L3MBTL4: variants seen among roughly 807,000 people sequenced by gnomAD.
L3MBTL4 encodes the protein lethal(3)malignant brain tumor-like protein 4.
A neutral mutation model predicts 84.5 loss-of-function variants in L3MBTL4; 70 were observed. That is an observed-to-expected ratio of 0.83 (90% CI 0.68 to 1.01). The LOEUF (loss-of-function observed/expected upper bound fraction) is 1.01. Ranked by LOEUF, L3MBTL4 falls within the 50% of genes least tolerant of loss-of-function variation. The probability of loss-of-function intolerance (pLI) is 0.00; values close to 1 mark genes in which losing one functional copy is unlikely to be tolerated. For synonymous variants in L3MBTL4, 274 were observed against 259.8 expected, an observed-to-expected ratio of 1.05 and a Z score of -0.52; for missense variants, 715 against 754.8, an observed-to-expected ratio of 0.95 and a Z score of 0.62.
At chr18:6,070,978 T>C (rs28758629) in intron 16 of L3MBTL4, among the ~76,000 whole-genome samples, 14,555 of 152,096 alleles carry the variant, frequency 0.096, 1,130 homozygotes, top group African/African-American at 0.22. Flanking sequence ...TAAAAATAAA[T>C]AAACAACAAG....
intron 10 of L3MBTL4, among the ~76,000 whole-genome samples, chr18:6,228,412 T>C (rs2046863551): frequency 6.6e-6 from 1 of 152,138 alleles, no homozygotes; most frequent in Admixed American, 6.5e-5. Context: ...TCAAAATTTT[T>C]AAAATCTGCT....
chr18:6,274,940 G>A (rs558660551), intron 4 of L3MBTL4, among the ~76,000 whole-genome samples: 1 of 152,206 alleles, frequency 6.6e-6, no homozygotes, highest in African/African-American at 2.4e-5. Flanking sequence ...TCTAGCTTAG[G>A]AGAGTGAATT....
chr18:5,999,028 C>T (rs2054102790), intron 16 of L3MBTL4, among the ~76,000 whole-genome samples: 1 of 152,160 alleles, frequency 6.6e-6, no homozygotes, highest in Non-Finnish European at 1.5e-5. Flanking sequence ...TCTCATTAAG[C>T]AGAGGATGAA....
intron 16 of L3MBTL4, among the ~76,000 whole-genome samples, chr18:6,053,707 C>T (rs1264112900): frequency 6.6e-6 from 1 of 152,142 alleles, no homozygotes. Context: ...GCCTATGGTC[C>T]ACTGCAGCAT....
At chr18:6,257,276 C>A (rs530468266) in intron 5 of L3MBTL4, among the ~76,000 whole-genome samples, 1 of 152,054 alleles carries the variant, frequency 6.6e-6, no homozygotes, top group South Asian at 2.1e-4. Flanking sequence ...AACCAGAGGG[C>A]AGAGAGGAAC....
intron 13 of L3MBTL4, among the ~76,000 whole-genome samples, chr18:6,147,649 G>C (rs1382671836): frequency 1.3e-5 from 2 of 152,098 alleles, no homozygotes; most frequent in African/African-American, 4.8e-5. Context: ...GTAAATTCCT[G>C]AAAGAGATGA....
At chr18:6,213,113 T>C (rs899028735) in intron 12 of L3MBTL4, 36 bp downstream of exon 12, 1 of 1,188,220 alleles carries the variant, frequency 8.4e-7, no homozygotes, top group East Asian at 2.7e-5. Context: ...GTAGGAAAAA[T>C]ATTGATATAA....
At chr18:5,975,563 A>G (rs1361494759) in intron 16 of L3MBTL4, among the ~76,000 whole-genome samples, 3 of 152,212 alleles carry the variant, frequency 2.0e-5, no homozygotes, top group South Asian at 4.1e-4. Context: ...TCTTCCCACG[A>G]TCACCTGTTC....
At chr18:6,236,755 A>C (rs2047232261) in intron 10 of L3MBTL4, among the ~76,000 whole-genome samples, 1 of 152,224 alleles carries the variant, frequency 6.6e-6, no homozygotes, top group South Asian at 2.1e-4. Context: ...ACCTTTCTAG[A>C]CCAAACAGGC....
chr18:6,325,483 C>A (rs1344900295), intron 1 of L3MBTL4, among the ~76,000 whole-genome samples: 1 of 152,104 alleles, frequency 6.6e-6, no homozygotes, highest in Non-Finnish European at 1.5e-5. Flanking sequence ...CCATGCCCAG[C>A]TTTATACTAC....
At chr18:5,958,062 G>GAGAAGGAGA (rs2095238995) in intron 18 of L3MBTL4, among the ~76,000 whole-genome samples, 6 of 93,228 alleles carry the variant, frequency 6.4e-5, no homozygotes, top group South Asian at 8.7e-4. Flanking sequence ...GAAGGAGAAG[G>GAGAAGGAGA]AGAAGAAGAA....
intron 16 of L3MBTL4, among the ~76,000 whole-genome samples, chr18:6,069,096 C>A (rs1373509834): frequency 6.6e-6 from 1 of 152,224 alleles, no homozygotes; most frequent in Non-Finnish European, 1.5e-5. Context: ...CCAGCACCAT[C>A]TTTGATGGAG....
At chr18:6,350,418 A>G (rs1459186652) in intron 1 of L3MBTL4, among the ~76,000 whole-genome samples, 1 of 152,226 alleles carries the variant, frequency 6.6e-6, no homozygotes, top group African/African-American at 2.4e-5. Flanking sequence ...CAAATGACTC[A>G]GTTGAAAAAT....
intron 12 of L3MBTL4, among the ~76,000 whole-genome samples, chr18:6,175,905 T>C (rs2044206209): frequency 6.6e-6 from 1 of 152,102 alleles, no homozygotes; most frequent in Non-Finnish European, 1.5e-5. Flanking sequence ...TCTATTAATA[T>C]ATACTGGCAA....
At chr18:6,377,647 T>A (rs143310937) in intron 1 of L3MBTL4, among the ~76,000 whole-genome samples, 1 of 152,200 alleles carries the variant, frequency 6.6e-6, no homozygotes, top group Non-Finnish European at 1.5e-5. Context: ...GCAAAGGACA[T>A]GAACACATCC....
At chr18:6,110,222 G>A (rs949940214) in intron 14 of L3MBTL4, among the ~76,000 whole-genome samples, 4 of 152,192 alleles carry the variant, frequency 2.6e-5, no homozygotes, top group African/African-American at 9.7e-5. Context: ...TGGTAGTAGA[G>A]TGAAAATATG....
At chr18:6,389,976 C>T (rs976016111) in intron 1 of L3MBTL4, among the ~76,000 whole-genome samples, 5 of 152,110 alleles carry the variant, frequency 3.3e-5, no homozygotes, top group African/African-American at 1.2e-4. Context: ...GAACATTTTA[C>T]CCAAGAACTG....
intron 1 of L3MBTL4, among the ~76,000 whole-genome samples, chr18:6,412,088 C>T (rs1025230968): frequency 6.6e-6 from 1 of 152,068 alleles, no homozygotes; most frequent in Non-Finnish European, 1.5e-5. Context: ...TATTTCATCA[C>T]CCAGGTATTA....
At chr18:5,999,810 G>C (rs147237413) in intron 16 of L3MBTL4, among the ~76,000 whole-genome samples, 339 of 152,306 alleles carry the variant, frequency 2.2e-3, no homozygotes, top group Non-Finnish European at 4.1e-3. Context: ...AGAATGCAAA[G>C]GCACATTCCT....
Sources: allele counts gnomAD v4.1 joint callset (sites outside exome capture counted in the v4.1 genomes callset), GRCh38; gene constraint gnomAD v4.1.1; transcripts MANE v1.5; gene names NCBI Gene and HGNC (gene_info 2026-07-23, HGNC 2026-07-21).